Variants in AHCTF1 observed in about 807,000 individuals in gnomAD.
The protein encoded by AHCTF1 is protein ELYS.
Under a neutral mutation model 248.4 loss-of-function variants are expected in AHCTF1, and 24 were observed. The observed-to-expected ratio is 0.10, with a 90% CI of 0.07 to 0.14. The LOEUF (loss-of-function observed/expected upper bound fraction) is 0.14, where lower values mean the gene tolerates loss of function less well. AHCTF1 is among the 10% of genes least tolerant of loss of function. The pLI, the probability that AHCTF1 is intolerant of heterozygous loss-of-function variation, is 1.00. For missense variants in AHCTF1, 2,206 were observed against 2,636.2 expected (o/e 0.84, Z 3.57); for synonymous variants, 786 against 929.8 (o/e 0.85, Z 2.81).
chr1:246,888,939 T>C (rs2103133068), intron 17 of AHCTF1, among the ~76,000 whole-genome samples: 1 of 152,206 alleles, frequency 6.6e-6, no homozygotes, highest in Admixed American at 6.5e-5. Context: ...AATTTGACCC[T>C]AGTTAGCATG....
In AHCTF1 at chr1:246,863,853, T is replaced by C. The variant is rs888774129; in HGVS notation, c.3540+71A>G. On this transcript the variant is annotated intron_variant, in intron 27 of 35. Coordinates refer to ENST00000648844, the MANE Select transcript of AHCTF1 (RefSeq NM_001323342.2). The stretch of plus-strand genomic sequence containing the variant: ...AGCGTATCAGTTATAAATTGCTTAT[T>C]TTTCTCCTTGCTACTTGAAAAGTAA... 4.7e-6 allele frequency: 7 copies of C among 1,496,658 alleles called. No individual in the cohort carries two copies. The African/African-American group carries it at 9.8e-5, about 21-fold the overall frequency. 92.7% of individuals were successfully genotyped at this position (1,496,658 alleles called of 1,614,324 possible). A position where few individuals can be genotyped will look rare whatever the true frequency, so the allele number is the denominator to read the frequency against.
chr1:246,913,303 A>G lies in AHCTF1; in HGVS notation c.485T>C (p.Val162Ala). 1 of 1,614,018 alleles carries G rather than the reference A, an allele frequency of 6.2e-7. No individual in the cohort carries two copies. The highest frequency in any genetic ancestry group is 8.5e-7 in the Non-Finnish European group (1 of 1,179,928). Residue 162 changes from valine to alanine, a missense_variant, in exon 4 of 36, where the codon GTT becomes GCT. By Grantham distance (64) the Val-to-Ala change is moderately conservative (BLOSUM62 0). Coordinates refer to ENST00000648844, the MANE Select transcript of AHCTF1 (RefSeq NM_001323342.2). ...TAGGTCAACAAGAAGGATCTGTCCA[A>G]CATCAGTGACCACAGCTGCCACTCC... ...LFGVAAVVTD[V>A]GQILLVDLCL... is the part of the protein sequence containing the mutation.
intron 21 of AHCTF1, among the ~76,000 whole-genome samples, chr1:246,878,739 C>T (rs923181492): frequency 1.3e-5 from 2 of 152,154 alleles, no homozygotes; most frequent in Admixed American, 6.5e-5. Context: ...GCAAATGGTA[C>T]CCACTGTTGG....
chr1:246,899,993 C>T lies in AHCTF1; in HGVS notation c.1432+72G>A. 8 of 1,412,458 alleles carry T rather than the reference C, an allele frequency of 5.7e-6. No individual in the cohort carries two copies. In the South Asian group the frequency reaches 1.0e-4, roughly 18 times the overall value. 87.5% of individuals were successfully genotyped at this position (1,412,458 alleles called of 1,614,324 possible). On this transcript the variant is annotated intron_variant, in intron 10 of 35. Coordinates refer to ENST00000648844, the MANE Select transcript of AHCTF1 (RefSeq NM_001323342.2). ...AAACAGATAACACTAAATGAATAAACTACACAACGTATACATTTACATACT... is the reference window on the plus strand; with the variant it reads ...AAACAGATAACACTAAATGAATAAATTACACAACGTATACATTTACATACT...
In AHCTF1 at chr1:246,898,553, A is replaced by C. The variant is rs552913914; in HGVS notation, c.1495-217T>G. Among the ~76,000 whole-genome samples the C allele has an allele frequency of 9.9e-5, 15 of 152,180 alleles. No homozygotes were observed. In the South Asian group the frequency reaches 2.9e-3, roughly 29 times the overall value. On this transcript the variant is annotated intron_variant, in intron 11 of 35. Coordinates refer to ENST00000648844, the MANE Select transcript of AHCTF1 (RefSeq NM_001323342.2). Reference sequence around the variant, plus strand: ...CTACTATTAGCAAAAGGTAGCTTATATATTTTTATGAACTGTATAACCCTG... The same window carrying C: ...CTACTATTAGCAAAAGGTAGCTTATCTATTTTTATGAACTGTATAACCCTG...
chr1:246,912,855 T>C (rs924450466), intron 4 of AHCTF1, among the ~76,000 whole-genome samples: 2 of 152,226 alleles, frequency 1.3e-5, no homozygotes, highest in African/African-American at 4.8e-5. Flanking sequence ...AGATCCTACA[T>C]TGCTGGGTAA....
chr1:246,853,073 A>G lies in AHCTF1; in HGVS notation c.4563+18T>C. 1.3e-6 allele frequency: 2 copies of G among 1,592,776 alleles called. No individual in the cohort carries two copies. Among genetic ancestry groups the G allele is most frequent in the Non-Finnish European group, 1.7e-6 (2 of 1,168,228 alleles). On this transcript the variant is annotated intron_variant, in intron 32 of 35. Coordinates refer to ENST00000648844, the MANE Select transcript of AHCTF1 (RefSeq NM_001323342.2). ...AACTGAAAGACTGATAAAGAAGTAA[A>G]AAATTAATTTTTTTTACATGAATTT...
At chr1:246,885,816 C>G in intron 20 of AHCTF1, 136 bp from the exon 21 acceptor site, 4 of 822,176 alleles carry the variant, frequency 4.9e-6, no homozygotes, top group Non-Finnish European at 7.5e-6. Flanking sequence ...CTACTTTAAT[C>G]TGTGCTATAT....
At chr1:246,906,395 A>C (rs1779968) in intron 5 of AHCTF1, among the ~76,000 whole-genome samples, 1 of 151,440 alleles carries the variant, frequency 6.6e-6, no homozygotes, top group Non-Finnish European at 1.5e-5. Flanking sequence ...CTGACCAACA[A>C]GGTGAAAATC....
In AHCTF1 at chr1:246,885,621, T is replaced by C. The variant is rs1663759673; in HGVS notation, c.2532A>G (p.Ser844=). The C allele has an allele frequency of 1.9e-6, 3 of 1,612,758 alleles. No homozygotes were observed. The highest frequency in any genetic ancestry group is 1.7e-6 in the Non-Finnish European group (2 of 1,179,254). ...ATAKPLSWQH[S]KIIQAFMSQG... is the part of the protein sequence containing the mutation. Reference sequence around the variant, plus strand: ...GACTCATGAATGCCTGAATAATCTTTGAATGTTGCCATGACAAAGGTTTTG... The same window carrying C: ...GACTCATGAATGCCTGAATAATCTTCGAATGTTGCCATGACAAAGGTTTTG... Residue 844 remains serine (S), a synonymous_variant, in exon 21 of 36, where the codon TCA becomes TCG. Coordinates refer to ENST00000648844, the MANE Select transcript of AHCTF1 (RefSeq NM_001323342.2).
intron 2 of AHCTF1, among the ~76,000 whole-genome samples, chr1:246,917,991 A>G (rs1666259563): frequency 6.6e-6 from 1 of 152,256 alleles, no homozygotes; most frequent in East Asian, 1.9e-4. Context: ...CTACTTCCCA[A>G]ACATAGATAA....
chr1:246,906,320 C>T (rs1344386951), intron 5 of AHCTF1, among the ~76,000 whole-genome samples: 1 of 152,124 alleles, frequency 6.6e-6, no homozygotes, highest in Non-Finnish European at 1.5e-5. Context: ...TAGCTCACAC[C>T]TGTAATCCCA....
chr1:246,851,273 A>G lies in AHCTF1; in HGVS notation c.4733T>C (p.Ile1578Thr), dbSNP rs767153999. ...AAAAAGTTCCCCATCTACTTCAGCAATGTCACATTCAGCAGTGTCTTTGTT... is the reference window on the plus strand; with the variant it reads ...AAAAAGTTCCCCATCTACTTCAGCAGTGTCACATTCAGCAGTGTCTTTGTT... ...ADNKDTAECD[I>T]AEVDGELFVA... Residue 1578 changes from isoleucine to threonine, a missense_variant, in exon 33 of 36, where the codon ATT becomes ACT. Coordinates refer to ENST00000648844, the MANE Select transcript of AHCTF1 (RefSeq NM_001323342.2). The G allele has an allele frequency of 6.2e-7, 1 of 1,613,988 alleles. No homozygotes were observed. The highest frequency in any genetic ancestry group is 1.1e-5 in the South Asian group (1 of 91,076).
intron 33 of AHCTF1, among the ~76,000 whole-genome samples, chr1:246,846,030 AGAAG>A (rs1468628520): frequency 1.3e-5 from 2 of 150,970 alleles, no homozygotes; most frequent in Non-Finnish European, 2.9e-5. Context: ...CAATGAGGAC[AGAAG>A]GAAGTAAAAG....
At chr1:246,871,069 G>A (rs1257446919) in intron 24 of AHCTF1, among the ~76,000 whole-genome samples, 1 of 152,138 alleles carries the variant, frequency 6.6e-6, no homozygotes, top group Non-Finnish European at 1.5e-5. Flanking sequence ...AAAAGGCAGG[G>A]AACAGCTAGC....
In AHCTF1 at chr1:246,894,702, C is replaced by T. The variant is rs61854024; in HGVS notation, c.1761G>A (p.Thr587=). The change falls in exon 14 of 36, where the codon ACG becomes ACA. Residue 587 remains threonine (T), a synonymous_variant. Transcript: ENST00000648844. ...CTTTTGTGAGAACCACTTTATTCCA[C>T]GTCCATTCAAGAACAAAGCGCAAAT... is the stretch of plus-strand genomic sequence containing the variant. ...ATNLRFVLEW[T]WNKVVLTKEE... is the part of the protein sequence containing the mutation. 8.1e-6 allele frequency: 13 copies of T among 1,613,558 alleles called. No homozygotes were observed. The highest frequency in any genetic ancestry group is 5.5e-5 in the South Asian group (5 of 91,062).
chr1:246,927,491 A>C (rs1667022073), intron 1 of AHCTF1, among the ~76,000 whole-genome samples: 1 of 152,236 alleles, frequency 6.6e-6, no homozygotes, highest in African/African-American at 2.4e-5. Context: ...TGTCTCAAAA[A>C]GAAAAACTAT....
intron 12 of AHCTF1, among the ~76,000 whole-genome samples, chr1:246,897,612 T>C (rs1435384618): frequency 1.3e-5 from 2 of 152,222 alleles, no homozygotes; most frequent in Non-Finnish European, 2.9e-5. Flanking sequence ...CATGTTACTG[T>C]GCTGAATACT....
chr1:246,902,380 T>C, intron 8 of AHCTF1, 145 bp downstream of exon 8: 1 of 935,084 alleles, frequency 1.1e-6, no homozygotes, highest in Non-Finnish European at 1.6e-6. Flanking sequence ...AAGAAATATC[T>C]AGTATCTCAT....
Sources: allele counts gnomAD v4.1 joint callset (sites outside exome capture counted in the v4.1 genomes callset), GRCh38; gene constraint gnomAD v4.1.1; transcripts MANE v1.5; gene names NCBI Gene and HGNC (gene_info 2026-07-23, HGNC 2026-07-21).